IL1RAPL1: variants seen among roughly 807,000 people sequenced by gnomAD.
IL1RAPL1 encodes interleukin 1 receptor accessory protein like 1.
Under a neutral mutation model 48.4 loss-of-function variants are expected in IL1RAPL1, and 3 were observed. The ratio of observed to expected loss-of-function variants is 0.06; its 90% CI spans 0.03 to 0.16. The LOEUF is 0.16. IL1RAPL1 is among the 10% of genes least tolerant of loss of function. The pLI is 1.00. For synonymous variants in IL1RAPL1, 185 were observed against 187.7 expected (o/e 0.99, Z 0.12); for missense variants, 349 against 530.6 (o/e 0.66, Z 3.36).
At chrX:29,265,675 C>T (rs1428887538) in intron 2 of IL1RAPL1, among the ~76,000 whole-genome samples, 7 of 89,509 alleles carry the variant, frequency 7.8e-5, no homozygotes, top group South Asian at 6.8e-4. Context: ...CCTGTGTCCA[C>T]GTGTTCTCAT....
intron 2 of IL1RAPL1, among the ~76,000 whole-genome samples, chrX:28,902,607 C>T (rs1332817032): frequency 2.7e-5 from 3 of 112,026 alleles, no homozygotes; most frequent in Non-Finnish European, 5.6e-5. Flanking sequence ...GTACTTTCTA[C>T]ACCTGGTAAT....
chrX:29,076,452 C>T (rs1483288007), intron 2 of IL1RAPL1, among the ~76,000 whole-genome samples: 1 of 111,808 alleles, frequency 8.9e-6, no homozygotes, highest in Non-Finnish European at 1.9e-5. Flanking sequence ...GTGCATTGTA[C>T]TGTATTTTCA....
At chrX:29,246,130 T>A (rs2147569578) in intron 2 of IL1RAPL1, among the ~76,000 whole-genome samples, 1 of 106,475 alleles carries the variant, frequency 9.4e-6, no homozygotes. Flanking sequence ...GAATCAGATT[T>A]GTTGTCATCT....
At chrX:29,056,939 A>G (rs759861081) in intron 2 of IL1RAPL1, among the ~76,000 whole-genome samples, 1 of 112,314 alleles carries the variant, frequency 8.9e-6, no homozygotes, top group Non-Finnish European at 1.9e-5. Flanking sequence ...AACTATTTCA[A>G]GCAAATAAGA....
chrX:29,906,728 T>TAAAC (rs1932640579), intron 6 of IL1RAPL1, among the ~76,000 whole-genome samples: 2 of 107,316 alleles, frequency 1.9e-5, no homozygotes, highest in Admixed American at 2.1e-4. Context: ...AGTTCCACTT[T>TAAAC]AAACAAATTC....
At chrX:28,849,570 T>G (rs893333194) in intron 2 of IL1RAPL1, among the ~76,000 whole-genome samples, 1 of 112,324 alleles carries the variant, frequency 8.9e-6, no homozygotes, top group East Asian at 2.8e-4. Flanking sequence ...AACAACGATA[T>G]AAGACTCTGA....
intron 1 of IL1RAPL1, among the ~76,000 whole-genome samples, chrX:28,738,006 GA>G (rs752975002): frequency 2.7e-5 from 3 of 109,262 alleles, no homozygotes; most frequent in South Asian, 7.9e-4. Context: ...GGGAGGGAAG[GA>G]AAAAAAAAGG....
At chrX:28,754,806 A>T (rs1936088424) in intron 1 of IL1RAPL1, among the ~76,000 whole-genome samples, 1 of 112,284 alleles carries the variant, frequency 8.9e-6, no homozygotes, top group South Asian at 3.7e-4. Flanking sequence ...TTCAAGACAG[A>T]AAATTCCTTC....
chrX:29,770,282 G>GACT (rs1237841092), intron 6 of IL1RAPL1, among the ~76,000 whole-genome samples: 86 of 111,807 alleles, frequency 7.7e-4, no homozygotes, highest in African/African-American at 2.6e-3. Flanking sequence ...CAAGTTCGGT[G>GACT]CATGTCTATT....
At chrX:29,890,997 C>A (rs1432044394) in intron 6 of IL1RAPL1, among the ~76,000 whole-genome samples, 1 of 111,947 alleles carries the variant, frequency 8.9e-6, no homozygotes, top group Non-Finnish European at 1.9e-5. Flanking sequence ...GAAATAGATT[C>A]TTGGTTTCTC....
chrX:29,297,042 G>T (rs763812005), intron 3 of IL1RAPL1, among the ~76,000 whole-genome samples: 1 of 111,592 alleles, frequency 9.0e-6, no homozygotes, highest in African/African-American at 3.3e-5. Context: ...CACAATTATA[G>T]ATCTGGATCT....
At chrX:28,606,762 C>CA (rs1214719167) in intron 1 of IL1RAPL1, among the ~76,000 whole-genome samples, 2 of 111,150 alleles carry the variant, frequency 1.8e-5, no homozygotes, top group African/African-American at 6.5e-5. Flanking sequence ...AAAGAGCTAA[C>CA]AAAAAAATGA....
intron 5 of IL1RAPL1, among the ~76,000 whole-genome samples, chrX:29,468,120 A>G (rs760109700): frequency 8.9e-6 from 1 of 112,252 alleles, no homozygotes; most frequent in Admixed American, 9.5e-5. Context: ...TCGGCCTCCC[A>G]AAGTGCTGGG....
intron 2 of IL1RAPL1, among the ~76,000 whole-genome samples, chrX:29,227,696 A>G (rs1459296085): frequency 8.9e-6 from 1 of 112,262 alleles, no homozygotes; most frequent in Non-Finnish European, 1.9e-5. Context: ...AATAAAAAAT[A>G]AATTATGGTG....
At chrX:28,842,453 T>G (rs1210049042) in intron 2 of IL1RAPL1, among the ~76,000 whole-genome samples, 1 of 110,932 alleles carries the variant, frequency 9.0e-6, no homozygotes, top group Non-Finnish European at 1.9e-5. Flanking sequence ...TTCTTTGACC[T>G]CGGCCAAATT....
chrX:29,573,449 C>G (rs1183022998), intron 5 of IL1RAPL1, among the ~76,000 whole-genome samples: 1 of 112,258 alleles, frequency 8.9e-6, no homozygotes, highest in Non-Finnish European at 1.9e-5. Flanking sequence ...TCATTTCTTA[C>G]TAGGTCCATT....
At chrX:28,641,487 C>A (rs999374532) in intron 1 of IL1RAPL1, among the ~76,000 whole-genome samples, 1 of 111,439 alleles carries the variant, frequency 9.0e-6, no homozygotes, top group African/African-American at 3.3e-5. Flanking sequence ...GGGTTGGTTC[C>A]AAGTCTTTGC....
intron 7 of IL1RAPL1, among the ~76,000 whole-genome samples, chrX:29,918,645 T>G (rs751938360): frequency 8.9e-6 from 1 of 111,741 alleles, no homozygotes; most frequent in Non-Finnish European, 1.9e-5. Flanking sequence ...TTGATGGTAG[T>G]GATAAGGATA....
At chrX:29,565,223 A>G (rs973009064) in intron 5 of IL1RAPL1, among the ~76,000 whole-genome samples, 2 of 111,980 alleles carry the variant, frequency 1.8e-5, no homozygotes, top group Non-Finnish European at 3.8e-5. Context: ...TAACAAATCA[A>G]TACGCAGGGT....
Sources: gnomAD v4.1 joint callset for allele counts (sites outside exome capture counted in the v4.1 genomes callset) on GRCh38, gnomAD v4.1.1 for gene constraint, MANE v1.5 for transcripts, NCBI Gene and HGNC (gene_info 2026-07-23, HGNC 2026-07-21) for gene names.